The following ADGB variants were observed in gnomAD, a reference collection of about 807,000 sequenced individuals.
ADGB encodes calpain-7-like protein.
A neutral mutation model predicts 210.5 loss-of-function variants in ADGB; 172 were observed. The observed-to-expected ratio is 0.82, with a 90% CI of 0.72 to 0.93. The LOEUF (loss-of-function observed/expected upper bound fraction) is 0.93. Among genes scored for constraint, ADGB ranks in the 40% least tolerant of loss-of-function variants. ADGB has a pLI of 0.00. For synonymous variants in ADGB, 658 were observed against 662.7 expected (o/e 0.99, Z 0.11); for missense variants, 2,025 against 1,964.8 (o/e 1.03, Z -0.58).
intron 1 of ADGB, among the ~76,000 whole-genome samples, chr6:146,625,263 G>A (rs1429761871): frequency 6.6e-6 from 1 of 151,912 alleles, no homozygotes; most frequent in Non-Finnish European, 1.5e-5. Context: ...AATTCAAGAA[G>A]GTTTAGGATT....
At chr6:146,795,267 A>T (rs1778023030) in intron 33 of ADGB, among the ~76,000 whole-genome samples, 1 of 152,126 alleles carries the variant, frequency 6.6e-6, no homozygotes, top group Admixed American at 6.6e-5. Context: ...TGACAAAGAC[A>T]CCTAAAAGCA....
intron 4 of ADGB, among the ~76,000 whole-genome samples, chr6:146,655,491 T>G (rs1193992925): frequency 6.6e-6 from 1 of 152,178 alleles, no homozygotes; most frequent in Non-Finnish European, 1.5e-5. Flanking sequence ...CTCCTCTATG[T>G]TAATTAAATC....
chr6:146,791,707 G>A (rs113662691), intron 33 of ADGB, among the ~76,000 whole-genome samples: 60 of 152,046 alleles, frequency 3.9e-4, no homozygotes, highest in African/African-American at 1.2e-3. Flanking sequence ...TCCAAACACC[G>A]TTTATTGAAG....
rs1042316523 is a variant in ADGB, at chr6:146,716,567, T to C, written c.1742-316T>C. ...GAGATTGCGCCACTGCAGTCCGCAG[T>C]CCCACCTGGGCGACAGAGCGAGACT... On this transcript the variant is annotated intron_variant, in intron 14 of 35. Transcript: ENST00000397944. Among the ~76,000 whole-genome samples, 159 of 97,952 alleles carry C rather than the reference T, an allele frequency of 1.6e-3. 22 individuals are homozygous for C. Among genetic ancestry groups the C allele is most frequent in the African/African-American group, 0.011 (153 of 13,864 alleles). The allele number at this position is 97,952 out of a possible 152,430, so 64.3% of individuals were successfully genotyped here.
At chr6:146,811,538 A>T (rs1778302661) in intron 35 of ADGB, among the ~76,000 whole-genome samples, 1 of 133,638 alleles carries the variant, frequency 7.5e-6, no homozygotes, top group Non-Finnish European at 1.7e-5. Flanking sequence ...GTTAGATAAA[A>T]ATCATTGCAA....
intron 7 of ADGB, among the ~76,000 whole-genome samples, chr6:146,667,243 A>G (rs190487027): frequency 1.3e-5 from 2 of 152,006 alleles, no homozygotes; most frequent in Non-Finnish European, 2.9e-5. Flanking sequence ...AAGTGACAAG[A>G]CAAAAGAAAA....
intron 31 of ADGB, among the ~76,000 whole-genome samples, chr6:146,785,405 C>G (rs894343654): frequency 6.6e-6 from 1 of 152,106 alleles, no homozygotes; most frequent in Admixed American, 6.6e-5. Context: ...TTCATCTATT[C>G]TCAAAAATAA....
rs551586902 is a variant in ADGB, at chr6:146,623,131, C to T, written c.75-12244C>T. Among the ~76,000 whole-genome samples the T allele has an allele frequency of 2.0e-5, 3 of 151,888 alleles. No individual in the cohort carries two copies. In the East Asian group the frequency reaches 5.8e-4, roughly 29 times the overall value. On this transcript the variant is annotated intron_variant, in intron 1 of 35. Transcript: ENST00000397944. ...ACTGTTAGTCTTTGAATATGTTTCT[C>T]CTGTTACAAAGTTGTTTTGCCTATT...
chr6:146,715,169 C>T (rs1400967530), intron 13 of ADGB, among the ~76,000 whole-genome samples: 1 of 152,166 alleles, frequency 6.6e-6, no homozygotes, highest in Non-Finnish European at 1.5e-5. Context: ...CTTAATGTGA[C>T]AAGCTTAAAT....
At chr6:146,798,464 C>T (rs1778077095) in intron 33 of ADGB, among the ~76,000 whole-genome samples, 1 of 152,110 alleles carries the variant, frequency 6.6e-6, no homozygotes, top group African/African-American at 2.4e-5. Context: ...CTACGGTAAA[C>T]ATCATACTTA....
intron 35 of ADGB, among the ~76,000 whole-genome samples, chr6:146,814,603 G>A (rs188370137): frequency 8.5e-5 from 13 of 152,246 alleles, no homozygotes; most frequent in African/African-American, 3.1e-4. Flanking sequence ...CAACAGATTT[G>A]GCCATACTAT....
At chr6:146,660,362 A>T (rs1208132089) in intron 5 of ADGB, among the ~76,000 whole-genome samples, 1 of 152,208 alleles carries the variant, frequency 6.6e-6, no homozygotes, top group Admixed American at 6.5e-5. Context: ...AAATTCAACT[A>T]CTGTTAAAAT....
At chr6:146,686,493 T>C (rs1240956673) in intron 10 of ADGB, among the ~76,000 whole-genome samples, 1 of 152,130 alleles carries the variant, frequency 6.6e-6, no homozygotes, top group African/African-American at 2.4e-5. Flanking sequence ...ACACTTTATG[T>C]TACATTTGAA....
rs183518823 is a variant in ADGB at position 146,708,902 on chromosome 6, T to C, written c.1708-6480T>C. Among the ~76,000 whole-genome samples, 317 of 152,294 alleles carry C rather than the reference T, an allele frequency of 2.1e-3. 1 individual carries two copies. Among genetic ancestry groups the C allele is most frequent in the Non-Finnish European group, 3.5e-3 (236 of 68,012 alleles). On this transcript the variant is annotated intron_variant, in intron 13 of 35. Transcript: ENST00000397944. ...GTGTAGTCCTTTTTCATTCCTTTTC[T>C]TTTTTCCACTTTGAGTGCATATTTT...
Position 146,705,502 on chromosome 6 carries a change from G to A in ADGB, c.1707+4432G>A, listed in dbSNP as rs140298856. On this transcript the variant is annotated intron_variant, in intron 13 of 35. Coordinates refer to ENST00000397944, the MANE Select transcript of ADGB (RefSeq NM_024694.4). Reference sequence around the variant, plus strand: ...TAATCATAAAAGGATGTTGAATTTTGTGAAATGCTGTTTTTCCATCTATTC... The same window carrying A: ...TAATCATAAAAGGATGTTGAATTTTATGAAATGCTGTTTTTCCATCTATTC... Among the ~76,000 whole-genome samples, 6 of 152,130 alleles carry A rather than the reference G, an allele frequency of 3.9e-5. No homozygotes were observed. The East Asian group carries it at 1.2e-3, about 29-fold the overall frequency.
chr6:146,785,491 G>A, intron 31 of ADGB, 119 bp from the exon 32 acceptor site: 1 of 625,272 alleles, frequency 1.6e-6, no homozygotes. Flanking sequence ...CATTTAGACT[G>A]CCCTATTTAA....
intron 9 of ADGB, among the ~76,000 whole-genome samples, chr6:146,679,493 G>A (rs2114910202): frequency 6.6e-6 from 1 of 152,296 alleles, no homozygotes; most frequent in South Asian, 2.1e-4. Context: ...AATAGCAGGG[G>A]ACACACTGTA....
rs754467985 is a variant in ADGB at position 146,721,415 on chromosome 6, C to T, written c.2005C>T (p.Arg669Ter). 4.5e-6 allele frequency: 7 copies of T among 1,547,786 alleles called. No homozygotes were observed. Among genetic ancestry groups the T allele is most frequent in the African/African-American group, 1.4e-5 (1 of 73,036 alleles). Reference protein sequence around the residue: ...QKSEFKFSEERVSYYLFVDSL... With the variant: ...QKSEFKFSEE Reference sequence around the variant, plus strand: ...TAATTTCTTGCAGTTCTCAGAAGAACGAGTGTCCTACTATCTATTTGTAGA... The same window carrying T: ...TAATTTCTTGCAGTTCTCAGAAGAATGAGTGTCCTACTATCTATTTGTAGA... Residue 669 changes from arginine to a stop codon, truncating the protein, a stop_gained, in exon 17 of 36, where the codon CGA becomes TGA. Coordinates refer to ENST00000397944, the MANE Select transcript of ADGB (RefSeq NM_024694.4). LOFTEE classifies it high-confidence loss of function.
chr6:146,617,538 AATTTTTTTTTCCTATTTAGT>A (rs1170220694), intron 1 of ADGB, among the ~76,000 whole-genome samples: 1 of 151,832 alleles, frequency 6.6e-6, no homozygotes, highest in Non-Finnish European at 1.5e-5. Context: ...AAAGGCTTTC[AATTTTTTTTTCCTATTTAGT>A]ATGATGCTAG....
Sources: allele counts gnomAD v4.1 joint callset (sites outside exome capture counted in the v4.1 genomes callset), GRCh38; gene constraint gnomAD v4.1.1; transcripts MANE v1.5; gene names NCBI Gene and HGNC (gene_info 2026-07-23, HGNC 2026-07-21).